Variants in DGKZ observed in about 807,000 individuals in gnomAD.
DGKZ encodes the protein DAG kinase zeta.
In DGKZ, 45 loss-of-function variants were observed where a neutral mutation model predicts 142.5. The observed-to-expected ratio is 0.32, with a 90% CI of 0.25 to 0.40. The LOEUF (loss-of-function observed/expected upper bound fraction) is 0.40. DGKZ is among the 10% of genes least tolerant of loss of function. DGKZ has a pLI of 1.00. For synonymous variants in DGKZ, 442 were observed against 527.0 expected, an observed-to-expected ratio of 0.84 and a Z score of 2.21; for missense variants, 755 against 1,306.5, an observed-to-expected ratio of 0.58 and a Z score of 6.51.
intron 29 of DGKZ, 97 bp from the exon 30 acceptor site, chr11:46,379,372 G>A (rs1944950362): frequency 8.3e-6 from 13 of 1,569,262 alleles, no homozygotes; most frequent in Non-Finnish European, 1.1e-5. Flanking sequence ...TATTGCCCCA[G>A]AGCCCTGAAC....
intron 1 of DGKZ, chr11:46,366,084 C>G (rs560950132): frequency 1.0e-6 from 1 of 985,404 alleles, no homozygotes; most frequent in African/African-American, 1.7e-5. Flanking sequence ...TGACCCCTCC[C>G]TCCCTCAGGG....
intron 27 of DGKZ, 136 bp downstream of exon 27, chr11:46,378,636 A>G: frequency 1.7e-6 from 2 of 1,208,564 alleles, no homozygotes; most frequent in South Asian, 2.5e-5. Flanking sequence ...TGGGATCTCC[A>G]GTGATCGTCC....
chr11:46,361,457 G>A (rs1238429950), intron 1 of DGKZ: 13 of 198,976 alleles, frequency 6.5e-5, no homozygotes, highest in East Asian at 5.6e-4. Context: ...CCGCCCACCC[G>A]TCGCCTGCTG....
At chr11:46,359,792 A>G (rs1279350130) in intron 1 of DGKZ, among the ~76,000 whole-genome samples, 2 of 74,256 alleles carry the variant, frequency 2.7e-5, no homozygotes. Flanking sequence ...TTTTTTTTGT[A>G]TTGTTAGTAG....
At chr11:46,349,179 C>T (rs1040745456) in intron 1 of DGKZ, among the ~76,000 whole-genome samples, 4 of 152,214 alleles carry the variant, frequency 2.6e-5, no homozygotes, top group African/African-American at 7.2e-5. Context: ...GATGGAGCTC[C>T]GTGGGCTCCT....
exon 1 of DGKZ, chr11:46,332,944 A>C: frequency 4.3e-6 from 1 of 233,714 alleles, no homozygotes; most frequent in East Asian, 8.3e-5. Flanking sequence ...GCGCGGCAGC[A>C]GCGGCGGTTG....
chr11:46,363,292 G>A (rs1327160600), intron 1 of DGKZ, among the ~76,000 whole-genome samples: 1 of 152,206 alleles, frequency 6.6e-6, no homozygotes, highest in Non-Finnish European at 1.5e-5. Context: ...TGCGGGGAGG[G>A]GCATGGGAGC....
Position 46,367,189 on chromosome 11 carries a change from C to T in DGKZ, c.162-102C>T, listed in dbSNP as rs1009154715. 8.7e-5 allele frequency: 114 copies of T among 1,303,578 alleles called. No homozygotes were observed. The highest frequency in any genetic ancestry group is 1.2e-4 in the Non-Finnish European group (107 of 923,630). 80.8% of individuals were successfully genotyped at this position (1,303,578 alleles called of 1,614,324 possible). On this transcript the variant is annotated intron_variant, in intron 1 of 30. Transcript: ENST00000527911. The surrounding 1 kb of genome is among the most constrained non-coding windows in gnomAD (Gnocchi z 4.1). ...GGCTGCTGGGAGGCTCCTCCGCCCT[C>T]CCTGTTGCCGAGGTCACGGAAAGGG... is the stretch of plus-strand genomic sequence containing the variant.
At chr11:46,376,229 C>T in intron 22 of DGKZ, 84 bp downstream of exon 22, 6 of 1,603,030 alleles carry the variant, frequency 3.7e-6, no homozygotes, top group Non-Finnish European at 5.1e-6. Context: ...AGCCAGCTCG[C>T]CCTGCGGAGC....
At chr11:46,369,848 C>T (rs1261757115) in intron 5 of DGKZ, 93 bp from the exon 6 acceptor site, 17 of 1,398,254 alleles carry the variant, frequency 1.2e-5, no homozygotes, top group Non-Finnish European at 1.7e-5. Context: ...AGAGCGCTTC[C>T]TGCAGCCCCG....
At chr11:46,333,225 G>A in exon 1 of DGKZ, 1 of 1,238,942 alleles carries the variant, frequency 8.1e-7, no homozygotes, top group Non-Finnish European at 1.0e-6. Flanking sequence ...ACTCGAACTT[G>A]AGCGGGTGCC....
intron 25 of DGKZ, 197 bp downstream of exon 25, chr11:46,377,409 C>T: frequency 9.7e-7 from 1 of 1,030,396 alleles, no homozygotes; most frequent in Non-Finnish European, 1.3e-6. Flanking sequence ...TGGTTCCCTC[C>T]CTGACTTCTC....
intron 1 of DGKZ, among the ~76,000 whole-genome samples, chr11:46,334,229 T>G (rs1230204635): frequency 6.6e-6 from 1 of 152,094 alleles, no homozygotes; most frequent in East Asian, 1.9e-4. Flanking sequence ...TACACAGAGG[T>G]TGGAGCTGGG....
At position 46,367,294 on chromosome 11, in the gene DGKZ, A is replaced by C. The variant is rs778867449; in HGVS notation, c.165A>C (p.Lys55Asn). The change falls in exon 2 of 31, where the codon AAA (lysine) becomes AAC (asparagine). Residue 55 changes from lysine (K) to asparagine (N), a missense_variant. This residue lies in a region of DGKZ where 81 missense variants were observed against 86.5 expected (regional missense o/e 0.94). Coordinates refer to ENST00000527911, the Ensembl canonical transcript of DGKZ. The surrounding 1 kb of genome is among the most constrained non-coding windows in gnomAD (Gnocchi z 4.1). ...TCAGCTGTCTTCTCCTCTCTAGGAA[A>C]GCCATCACCAAGTCGGGCCTCCAGC... The C allele has an allele frequency of 4.3e-6, 7 of 1,611,674 alleles. No homozygotes were observed. Among genetic ancestry groups the C allele is most frequent in the Non-Finnish European group, 5.1e-6 (6 of 1,179,736 alleles).
At chr11:46,362,254 G>A (rs1317038386) in intron 1 of DGKZ, among the ~76,000 whole-genome samples, 1 of 152,156 alleles carries the variant, frequency 6.6e-6, no homozygotes, top group East Asian at 1.9e-4. Flanking sequence ...GGTGTGGAGT[G>A]GGCGCTCTGG....
chr11:46,360,742 C>T (rs374330806), intron 1 of DGKZ, among the ~76,000 whole-genome samples: 56 of 152,014 alleles, frequency 3.7e-4, no homozygotes, highest in African/African-American at 1.2e-3. Context: ...GCTGAGATCA[C>T]GCCATTGCAC....
In DGKZ at chr11:46,347,524, C is replaced by CGCGCG; in HGVS notation, c.-129_-125dup. 1.0e-6 allele frequency: 1 copy of CGCGCG among 982,436 alleles called. No individual in the cohort carries two copies. The highest frequency in any genetic ancestry group is 1.2e-6 in the Non-Finnish European group (1 of 829,210). 60.9% of individuals were successfully genotyped at this position (982,436 alleles called of 1,614,324 possible). A position where few individuals can be genotyped will look rare whatever the true frequency, so the allele number is the denominator to read the frequency against. On this transcript the variant is annotated 5_prime_UTR_variant, in exon 1 of 31. Coordinates refer to ENST00000527911, the Ensembl canonical transcript of DGKZ. The surrounding 1 kb of genome is among the most constrained non-coding windows in gnomAD (Gnocchi z 6.4). ...GGCACCTGGGCGTGGGGAGCGGGGG[C>CGCGCG]GCGCGGCGCGGGGCGGGCGGAGCGA...
chr11:46,378,779 C>A, intron 27 of DGKZ: 1 of 913,964 alleles, frequency 1.1e-6, no homozygotes, highest in South Asian at 1.4e-5. Flanking sequence ...GGCTTGGTCA[C>A]CAGTGCTGCC....
At chr11:46,369,321 A>G in intron 4 of DGKZ, 173 bp from the exon 5 acceptor site, 1 of 717,934 alleles carries the variant, frequency 1.4e-6, no homozygotes, top group Non-Finnish European at 2.5e-6. Flanking sequence ...GAGGAGGCAG[A>G]GAGGCAGGAG....
Sources: allele counts gnomAD v4.1 joint callset (sites outside exome capture counted in the v4.1 genomes callset), GRCh38; gene constraint gnomAD v4.1.1; regional missense constraint gnomAD v4.1.1; non-coding constraint Gnocchi (gnomAD v3.1); transcripts MANE v1.5; gene names NCBI Gene and HGNC (gene_info 2026-07-23, HGNC 2026-07-21).